Variants in RELA observed in about 807,000 individuals in gnomAD.
RELA encodes the protein transcription factor p65.
RELA carries 14 observed loss-of-function variants against 56.7 expected under a neutral mutation model. The ratio of observed to expected loss-of-function variants is 0.25; its 90% confidence interval spans 0.16 to 0.39. The LOEUF (loss-of-function observed/expected upper bound fraction) is 0.39. Ranked by LOEUF, RELA falls within the 10% of genes least tolerant of loss-of-function variation. The pLI is 1.00. For synonymous variants in RELA, 315 were observed against 289.7 expected, an observed-to-expected ratio of 1.09 and a Z score of -0.89; for missense variants, 559 against 736.4, an observed-to-expected ratio of 0.76 and a Z score of 2.79.
chr11:65,663,286 G>T (rs1027404020), upstream of RELA, among the ~76,000 whole-genome samples: 1 of 152,224 alleles, frequency 6.6e-6, no homozygotes, highest in Non-Finnish European at 1.5e-5. Flanking sequence ...CCCGCCCCGC[G>T]CAGGGAAAAG....
In RELA at chr11:65,654,255, T is replaced by TC; in HGVS notation, c.*122dup. 1.6e-6 allele frequency: 2 copies of TC among 1,214,986 alleles called. No homozygotes were observed. Among genetic ancestry groups the TC allele is most frequent in the Non-Finnish European group, 2.4e-6 (2 of 833,908 alleles). The allele number at this position is 1,214,986 out of a possible 1,614,324, so 75.3% of individuals were successfully genotyped here. A position where few individuals can be genotyped will look rare whatever the true frequency, so the allele number is the denominator to read the frequency against. On this transcript the variant is annotated 3_prime_UTR_variant, in exon 11 of 11. Transcript: ENST00000406246. The stretch of plus-strand genomic sequence containing the variant: ...AAAAGAATAAAATATGGCTCCCCCC[T>TC]CCAAGGAAGACATCCACAAAGTTGG...
intron 10 of RELA, 160 bp downstream of exon 10, chr11:65,655,528 T>G: frequency 3.0e-6 from 2 of 657,116 alleles, no homozygotes; most frequent in Non-Finnish European, 5.4e-6. Context: ...CAGGCTTCAG[T>G]GTGCATTAGC....
In RELA at chr11:65,658,635, A is replaced by C; in HGVS notation, c.664+83T>G. 1.4e-6 allele frequency: 2 copies of C among 1,447,536 alleles called. No individual in the cohort carries two copies. The highest frequency in any genetic ancestry group is 1.9e-6 in the Non-Finnish European group (2 of 1,032,372). 89.7% of individuals were successfully genotyped at this position (1,447,536 alleles called of 1,614,324 possible). ...CCCCGAGGCACAGGAGGAAGTATCC[A>C]AAGCCAGTTACCTGACACTCCACTT... On this transcript the variant is annotated intron_variant, in intron 7 of 10. Transcript: ENST00000406246. The surrounding 1 kb of genome is among the most constrained non-coding windows in gnomAD (Gnocchi z 4.5).
At chr11:65,661,620 T>C in intron 4 of RELA, 67 bp downstream of exon 4, 3 of 1,438,898 alleles carry the variant, frequency 2.1e-6, no homozygotes, top group Non-Finnish European at 9.4e-7. Flanking sequence ...AGTAACACTG[T>C]AGCGGCTACT....
intron 6 of RELA, among the ~76,000 whole-genome samples, 192 bp from the exon 7 acceptor site, chr11:65,659,014 G>A (rs1856497971): frequency 6.6e-6 from 1 of 152,116 alleles, no homozygotes; most frequent in African/African-American, 2.4e-5. Context: ...TTTGCCTACT[G>A]TGCACTCAAC....
At chr11:65,659,990 G>T in intron 5 of RELA, 134 bp downstream of exon 5, 1 of 1,151,198 alleles carries the variant, frequency 8.7e-7, no homozygotes, top group Non-Finnish European at 1.3e-6. Flanking sequence ...GTTTCCCAGT[G>T]GTAAAGTGGG....
At position 65,654,301 on chromosome 11, in the gene RELA, A is replaced by C. The variant is rs1856358024; in HGVS notation, c.*77T>G. On this transcript the variant is annotated 3_prime_UTR_variant, in exon 11 of 11. Transcript: ENST00000406246. ...GTTGGGGGCAGTTGGAACACACCCC[A>C]CCAGAATCCGTAAGTGCTTTTGGAG... 7.5e-6 allele frequency: 12 copies of C among 1,589,690 alleles called. No individual in the cohort carries two copies. In the East Asian group the frequency reaches 2.5e-4, roughly 33 times the overall value.
Position 65,654,727 on chromosome 11 carries a change from A to G in RELA, c.1307T>C (p.Leu436Pro). 1.3e-6 allele frequency: 2 copies of G among 1,528,398 alleles called. No homozygotes were observed. The highest frequency in any genetic ancestry group is 1.8e-6 in the Non-Finnish European group (2 of 1,139,348). 94.7% of individuals were successfully genotyped at this position (1,528,398 alleles called of 1,614,324 possible). Residue 436 changes from leucine (L) to proline (P), a missense_variant, in exon 11 of 11, where the codon CTG (leucine) becomes CCG (proline). Around this residue, in one of 4 missense-constraint regions of RELA, gnomAD observed 365 missense variants for 387.5 expected, o/e 0.94. Coordinates refer to ENST00000406246, the MANE Select transcript of RELA (RefSeq NM_021975.4). ...PKPTQAGEGTLSEALLQLQFD... is the reference protein window; with the variant it reads ...PKPTQAGEGTPSEALLQLQFD... The stretch of plus-strand genomic sequence containing the variant: ...CTGCAGCTGCAGCAGGGCCTCTGAC[A>G]GCGTTCCTTCCCCAGCCTGGGTGGG...
chr11:65,661,546 G>A lies in RELA; in HGVS notation c.335+141C>T, dbSNP rs999729035. 5 of 704,490 alleles carry A rather than the reference G, an allele frequency of 7.1e-6. No individual in the cohort carries two copies. In the East Asian group the frequency reaches 7.8e-5, roughly 11 times the overall value. 43.6% of individuals were successfully genotyped at this position (704,490 alleles called of 1,614,324 possible). ...ACAAATAGATAATTTCAAGACAAAG[G>A]CAGTTTACTTGCAGAGCTGAGTCAG... On this transcript the variant is annotated intron_variant, in intron 4 of 10. Coordinates refer to ENST00000406246, the MANE Select transcript of RELA (RefSeq NM_021975.4).
In RELA at chr11:65,656,489, C is replaced by A. The variant is rs186885785; in HGVS notation, c.878-554G>T. 1.8e-3 allele frequency among the ~76,000 whole-genome samples: 273 copies of A among 152,326 alleles called. 1 individual carries two copies. Among genetic ancestry groups the A allele is most frequent in the African/African-American group, 6.3e-3 (260 of 41,564 alleles). On this transcript the variant is annotated intron_variant, in intron 8 of 10. Transcript: ENST00000406246. Reference sequence around the variant, plus strand: ...TCATCCCTCAAAAACTAGGTTCTTTCTCCTGCATTCCCTGACCATCCGCCA... The same window carrying A: ...TCATCCCTCAAAAACTAGGTTCTTTATCCTGCATTCCCTGACCATCCGCCA...
rs570214602 is a variant in RELA, at chr11:65,659,046, A to G, written c.560-224T>C. ...CAACACTGATCTAAGCAAGAATACG[A>G]CCACACACAAAACCCAAACCTCTCT... On this transcript the variant is annotated intron_variant, in intron 6 of 10. Coordinates refer to ENST00000406246, the MANE Select transcript of RELA (RefSeq NM_021975.4). Among the ~76,000 whole-genome samples the G allele has an allele frequency of 2.6e-5, 4 of 152,286 alleles. No individual in the cohort carries two copies. In the East Asian group the frequency reaches 7.7e-4, roughly 29 times the overall value.
chr11:65,658,575 T>C lies in RELA; in HGVS notation c.665-76A>G. ...TCTCCCCCTCAACTTCTGATGCTTG[T>C]CTTCTGATACATCACCCTTCGGCCC... On this transcript the variant is annotated intron_variant, in intron 7 of 10. Transcript: ENST00000406246. The surrounding 1 kb of genome is among the most constrained non-coding windows in gnomAD (Gnocchi z 4.5). 1 of 1,424,550 alleles carries C rather than the reference T, an allele frequency of 7.0e-7. No homozygotes were observed. The highest frequency in any genetic ancestry group is 2.3e-5 in the East Asian group (1 of 43,492). 88.2% of individuals were successfully genotyped at this position (1,424,550 alleles called of 1,614,324 possible).
At chr11:65,656,920 G>A (rs1377495736) in intron 8 of RELA, among the ~76,000 whole-genome samples, 8 of 152,172 alleles carry the variant, frequency 5.3e-5, no homozygotes, top group Admixed American at 1.3e-4. Flanking sequence ...AGCTACTCGG[G>A]AGGCTGAGGC....
At position 65,654,615 on chromosome 11, in the gene RELA, C is replaced by G. The variant is rs535576789; in HGVS notation, c.1419G>C (p.Glu473Asp). ...FTDLASVDNS[E>D]FQQLLNQGIP... ...TGCCCTGGTTCAGCAGCTGCTGAAA[C>G]TCGGAGTTGTCGACGGATGCCAGGT... is the stretch of plus-strand genomic sequence containing the variant. Residue 473 changes from glutamate to aspartate, a missense_variant, in exon 11 of 11, where the codon GAG becomes GAC. Glu to Asp is a conservative substitution (Grantham distance 45). Coordinates refer to ENST00000406246, the MANE Select transcript of RELA (RefSeq NM_021975.4). The G allele has an allele frequency of 1.1e-5, 17 of 1,610,448 alleles. No homozygotes were observed. In the African/African-American group the frequency reaches 2.1e-4, roughly 20 times the overall value.
chr11:65,659,899 G>T, intron 5 of RELA, 102 bp from the exon 6 acceptor site: 1 of 1,437,718 alleles, frequency 7.0e-7, no homozygotes, highest in Admixed American at 2.2e-5. Flanking sequence ...TGGTGCGTGT[G>T]TGAAACACAA....
In RELA at chr11:65,654,381, G is replaced by A. The variant is rs78599884; in HGVS notation, c.1653C>T (p.Ser551=). 7.7e-4 allele frequency: 1,240 copies of A among 1,613,596 alleles called. 6 individuals carry two copies. The African/African-American group carries it at 0.012, about 16-fold the overall frequency. Residue 551 remains serine (S), a synonymous_variant, in exon 11 of 11, where the codon TCC becomes TCT. Transcript: ENST00000406246. ...GGGGAGGGCAGGCGTCACCCCCTTAGGAGCTGATCTGACTCAGCAGGGCTG... is the reference window on the plus strand; with the variant it reads ...GGGGAGGGCAGGCGTCACCCCCTTAAGAGCTGATCTGACTCAGCAGGGCTG... ...DFSALLSQIS[S] is the part of the protein sequence containing the mutation.
rs764602850 is a variant in RELA at position 65,655,613 on chromosome 11, A to C, written c.1033+75T>G. On this transcript the variant is annotated intron_variant, in intron 10 of 10. Transcript: ENST00000406246. ...CAGTAGGTCTGTAATGGGGCCCAGG[A>C]GTCTTCATCTCCACTGCTCCTCAGC... 3.5e-6 allele frequency: 5 copies of C among 1,424,996 alleles called. No homozygotes were observed. The African/African-American group carries it at 7.0e-5, about 20-fold the overall frequency. The allele number at this position is 1,424,996 out of a possible 1,614,324, so 88.3% of individuals were successfully genotyped here.
At chr11:65,662,146 A>G (rs762078606) in intron 2 of RELA, 33 bp downstream of exon 2, 19 of 1,592,610 alleles carry the variant, frequency 1.2e-5, no homozygotes, top group Non-Finnish European at 1.6e-5. Context: ...TACCCCAGGG[A>G]GCACCTCCCC....
At chr11:65,663,102 G>C (rs1590941473), upstream of RELA, 3 of 243,128 alleles carry the variant, frequency 1.2e-5, no homozygotes, top group East Asian at 1.7e-4. Context: ...AGAGGCTGGC[G>C]TGCCCGGTGG....
Sources: allele counts gnomAD v4.1 joint callset (sites outside exome capture counted in the v4.1 genomes callset), GRCh38; gene constraint gnomAD v4.1.1; regional missense constraint gnomAD v4.1.1; non-coding constraint Gnocchi (gnomAD v3.1); transcripts MANE v1.5; gene names NCBI Gene and HGNC (gene_info 2026-07-23, HGNC 2026-07-21).